The following ADGRL3 variants were observed in gnomAD, a reference collection of about 807,000 sequenced individuals.
The protein encoded by ADGRL3 is adhesion G protein-coupled receptor L3, also known as calcium-independent alpha-latrotoxin receptor 3.
In ADGRL3, 62 loss-of-function variants were observed where a neutral mutation model predicts 153.5. The observed-to-expected ratio is 0.40, with a 90% CI of 0.33 to 0.50. ADGRL3 has a LOEUF of 0.50. Among genes scored for constraint, ADGRL3 ranks in the 20% least tolerant of loss-of-function variants. The probability of loss-of-function intolerance (pLI) is 0.47; values close to 1 mark genes in which losing one functional copy is unlikely to be tolerated. For synonymous variants in ADGRL3, 710 were observed against 672.5 expected, an observed-to-expected ratio of 1.06 and a Z score of -0.86; for missense variants, 1,641 against 1,859.4, an observed-to-expected ratio of 0.88 and a Z score of 2.16.
chr4:61,591,893 T>C (rs1239812863), intron 5 of ADGRL3, among the ~76,000 whole-genome samples: 1 of 151,614 alleles, frequency 6.6e-6, no homozygotes. Context: ...CCTGGATGTT[T>C]TATGAAACAT....
chr4:62,037,996 T>G, intron 24 of ADGRL3, 140 bp downstream of exon 24: 1 of 899,668 alleles, frequency 1.1e-6, no homozygotes. Context: ...TGGGAATGAT[T>G]CTGACAGAAA....
At chr4:61,226,096 C>T (rs898312684) in intron 1 of ADGRL3, among the ~76,000 whole-genome samples, 1 of 152,102 alleles carries the variant, frequency 6.6e-6, no homozygotes, top group Non-Finnish European at 1.5e-5. Context: ...TTACCTGAGT[C>T]ACTTTGCCCA....
At chr4:61,707,709 A>G (rs1272790626) in intron 6 of ADGRL3, among the ~76,000 whole-genome samples, 1 of 152,178 alleles carries the variant, frequency 6.6e-6, no homozygotes, top group African/African-American at 2.4e-5. Flanking sequence ...AAGCAAATGA[A>G]GAAGAAGTAA....
At chr4:61,833,554 G>T (rs986674287) in intron 9 of ADGRL3, among the ~76,000 whole-genome samples, 1 of 152,060 alleles carries the variant, frequency 6.6e-6, no homozygotes, top group African/African-American at 2.4e-5. Context: ...CAATTCCTGG[G>T]TGGGGGCCAC....
chr4:61,206,985 A>AAAATAAATAAAT (rs575017393), intron 1 of ADGRL3, among the ~76,000 whole-genome samples: 6 of 151,026 alleles, frequency 4.0e-5, no homozygotes, highest in South Asian at 2.1e-4. Flanking sequence ...TGTGTCTCAA[A>AAAATAAATAAAT]AAATAAATAA....
At chr4:61,685,116 C>T (rs1332148903) in intron 6 of ADGRL3, among the ~76,000 whole-genome samples, 3 of 151,990 alleles carry the variant, frequency 2.0e-5, no homozygotes, top group Admixed American at 1.3e-4. Flanking sequence ...AGGGGTCTCA[C>T]TATGTTGCCC....
chr4:61,294,884 TACACACACACACACACACTCAC>T (rs1183475919), intron 1 of ADGRL3, among the ~76,000 whole-genome samples: 12 of 105,234 alleles, frequency 1.1e-4, no homozygotes, highest in East Asian at 7.0e-4. Context: ...AATTAAATTT[TACACACACACACACACACTCAC>T]ACACACACAC....
intron 13 of ADGRL3, among the ~76,000 whole-genome samples, chr4:61,918,506 GAA>G (rs2098754503): frequency 6.6e-6 from 1 of 152,064 alleles, no homozygotes; most frequent in Non-Finnish European, 1.5e-5. Context: ...TGTAAAGAGA[GAA>G]AAGAAAAGAA....
intron 13 of ADGRL3, among the ~76,000 whole-genome samples, chr4:61,922,683 T>C (rs115891669): frequency 0.011 from 1,677 of 152,310 alleles, 27 homozygotes; most frequent in African/African-American, 0.038. Flanking sequence ...ACATATACTT[T>C]AAGAAAAGCG....
intron 1 of ADGRL3, among the ~76,000 whole-genome samples, chr4:61,248,563 A>C (rs1757977865): frequency 6.6e-6 from 1 of 152,142 alleles, no homozygotes; most frequent in African/African-American, 2.4e-5. Flanking sequence ...TTGCTGACAA[A>C]AGGGATGAAA....
chr4:61,657,343 A>G (rs11733626), intron 5 of ADGRL3, among the ~76,000 whole-genome samples: 354 of 152,168 alleles, frequency 2.3e-3, no homozygotes, highest in Non-Finnish European at 4.4e-3. Context: ...CATATCCCCC[A>G]AGAGCCCCAA....
In ADGRL3 at chr4:61,732,795, G is replaced by C; in HGVS notation, c.640G>C (p.Glu214Gln). The C allele has an allele frequency of 6.3e-7, 1 of 1,596,370 alleles. No homozygotes were observed. The highest frequency in any genetic ancestry group is 8.5e-7 in the Non-Finnish European group (1 of 1,171,262). Residue 214 changes from glutamate (E) to glutamine (Q), a missense_variant, in exon 8 of 27, where the codon GAA (glutamate) becomes CAA (glutamine). This residue lies in a region of ADGRL3 where 213 missense variants were observed against 362.1 expected (regional missense o/e 0.59). Transcript: ENST00000683033. ...PGLLKGVYQSEHLFESDHQSG... is the reference protein window; with the variant it reads ...PGLLKGVYQSQHLFESDHQSG... ...ACTACTAAAAGGAGTATACCAGAGT[G>C]AACATTTGTTTGAGTCCGACCACCA...
Position 61,983,082 on chromosome 4 carries a change from C to T in ADGRL3, c.3016-301C>T, listed in dbSNP as rs534183019. On this transcript the variant is annotated intron_variant, in intron 18 of 26. Coordinates refer to ENST00000683033, the MANE Select transcript of ADGRL3 (RefSeq NM_001387552.1). ...CTTAAAATCTATTTTAAAATATTTA[C>T]GCTAATATCAGAAATAATTATTCAT... Among the ~76,000 whole-genome samples, 28 of 152,058 alleles carry T rather than the reference C, an allele frequency of 1.8e-4. No homozygotes were observed. In the South Asian group the frequency reaches 1.9e-3, roughly 10 times the overall value.
chr4:61,431,972 A>G (rs2097361181), intron 2 of ADGRL3, among the ~76,000 whole-genome samples: 3 of 152,170 alleles, frequency 2.0e-5, no homozygotes, highest in Non-Finnish European at 4.4e-5. Flanking sequence ...TATTGTGTTC[A>G]GCAAAGAGTA....
At chr4:61,940,079 C>G (rs903988353) in intron 15 of ADGRL3, among the ~76,000 whole-genome samples, 2 of 110,548 alleles carry the variant, frequency 1.8e-5, no homozygotes, top group East Asian at 3.0e-4. Context: ...ATCCCTCCCC[C>G]CTCCCCCGAC....
At chr4:61,457,900 A>G (rs1425564924) in intron 2 of ADGRL3, among the ~76,000 whole-genome samples, 4 of 147,558 alleles carry the variant, frequency 2.7e-5, no homozygotes, top group African/African-American at 7.6e-5. Flanking sequence ...ATAGATAGAT[A>G]GATGCAGCCG....
chr4:61,216,154 A>G (rs1742681379), intron 1 of ADGRL3, among the ~76,000 whole-genome samples: 1 of 152,154 alleles, frequency 6.6e-6, no homozygotes. Flanking sequence ...TCAGTATTGC[A>G]TGTGGTAATA....
intron 1 of ADGRL3, among the ~76,000 whole-genome samples, chr4:61,322,723 C>T (rs1456090010): frequency 6.6e-6 from 1 of 152,222 alleles, no homozygotes; most frequent in African/African-American, 2.4e-5. Context: ...TCTGGGGCAG[C>T]TCCACCCCTG....
At chr4:61,437,955 A>G (rs1262291171) in intron 2 of ADGRL3, among the ~76,000 whole-genome samples, 2 of 152,144 alleles carry the variant, frequency 1.3e-5, no homozygotes, top group African/African-American at 4.8e-5. Context: ...ACACACATTC[A>G]CATTTGGAAC....
Sources: gnomAD v4.1 joint callset for allele counts (sites outside exome capture counted in the v4.1 genomes callset) on GRCh38, gnomAD v4.1.1 for gene constraint, gnomAD v4.1.1 regional missense constraint, MANE v1.5 for transcripts, NCBI Gene and HGNC (gene_info 2026-07-23, HGNC 2026-07-21) for gene names.